WWP2: variants seen among roughly 807,000 people sequenced by gnomAD.
WWP2 encodes the protein WW domain containing E3 ubiquitin protein ligase 2.
WWP2 carries 57 observed loss-of-function variants against 121.0 expected under a neutral mutation model. The ratio of observed to expected loss-of-function variants is 0.47; its 90% CI spans 0.38 to 0.59. WWP2 has a LOEUF of 0.59. Ranked by LOEUF, WWP2 falls within the 20% of genes least tolerant of loss-of-function variation. The pLI is 0.00. For missense variants in WWP2, 962 were observed against 1,158.9 expected, an observed-to-expected ratio of 0.83 and a Z score of 2.47; for synonymous variants, 449 against 441.3, an observed-to-expected ratio of 1.02 and a Z score of -0.22.
At chr16:69,915,293 C>T (rs4985379) in intron 9 of WWP2, among the ~76,000 whole-genome samples, 115,317 of 152,234 alleles carry the variant, frequency 0.76, 44,621 homozygotes, top group East Asian at 0.96. Flanking sequence ...ATTGATTTAA[C>T]GGTGAGTTTC....
intron 2 of WWP2, among the ~76,000 whole-genome samples, chr16:69,788,441 T>C (rs2055838750): frequency 1.3e-5 from 2 of 152,162 alleles, no homozygotes; most frequent in Non-Finnish European, 2.9e-5. Context: ...ACCCCACATT[T>C]CTCATCTCCT....
At chr16:69,840,289 C>G (rs1395200143) in intron 5 of WWP2, 26 bp downstream of exon 5, 29 of 1,607,206 alleles carry the variant, frequency 1.8e-5, no homozygotes, top group Non-Finnish European at 2.5e-5. Flanking sequence ...CTCCTCAGGA[C>G]TGTGCCGGGA....
At chr16:69,906,020 C>A (rs1453056929) in intron 8 of WWP2, among the ~76,000 whole-genome samples, 1 of 152,010 alleles carries the variant, frequency 6.6e-6, no homozygotes, top group Admixed American at 6.6e-5. Context: ...TCCTCTGCTT[C>A]TTTCTTACCT....
intron 8 of WWP2, among the ~76,000 whole-genome samples, chr16:69,898,639 T>A (rs1203310141): frequency 6.6e-6 from 1 of 152,206 alleles, no homozygotes; most frequent in Non-Finnish European, 1.5e-5. Flanking sequence ...CCTATTTATT[T>A]TTGTCCATTT....
chr16:69,845,956 A>C (rs2057067136), intron 6 of WWP2, among the ~76,000 whole-genome samples: 1 of 146,286 alleles, frequency 6.8e-6, no homozygotes, highest in Non-Finnish European at 1.5e-5. Flanking sequence ...AGGCTGAGGC[A>C]GGAGAATTGC....
chr16:69,872,574 A>G (rs1289562450), intron 7 of WWP2, among the ~76,000 whole-genome samples: 1 of 152,212 alleles, frequency 6.6e-6, no homozygotes, highest in African/African-American at 2.4e-5. Context: ...TCATTTATAC[A>G]TAGCATATTT....
intron 9 of WWP2, chr16:69,917,477 A>C: frequency 2.2e-6 from 1 of 446,148 alleles, no homozygotes; most frequent in Non-Finnish European, 4.0e-6. Flanking sequence ...GGTTGGGAAC[A>C]GAGTCAGCTT....
chr16:69,825,137 G>A (rs1352184416), intron 4 of WWP2, among the ~76,000 whole-genome samples: 2 of 151,942 alleles, frequency 1.3e-5, no homozygotes, highest in African/African-American at 2.4e-5. Flanking sequence ...CAAAGTGGGC[G>A]ATACTGGCTG....
intron 6 of WWP2, among the ~76,000 whole-genome samples, chr16:69,851,667 C>G (rs1387114887): frequency 6.6e-6 from 1 of 152,052 alleles, no homozygotes; most frequent in Non-Finnish European, 1.5e-5. Context: ...CATTAGTGTG[C>G]AGGTTTCTGT....
intron 6 of WWP2, among the ~76,000 whole-genome samples, chr16:69,850,430 A>G (rs1030792981): frequency 6.6e-6 from 1 of 151,144 alleles, no homozygotes; most frequent in Non-Finnish European, 1.5e-5. Flanking sequence ...CCCTGACATC[A>G]GGGAGTGTCT....
At chr16:69,792,001 G>A (rs2055922913) in intron 2 of WWP2, among the ~76,000 whole-genome samples, 1 of 149,662 alleles carries the variant, frequency 6.7e-6, no homozygotes, top group Non-Finnish European at 1.5e-5. Flanking sequence ...ACACAGATTT[G>A]GTAATACCAT....
At chr16:69,810,040 G>A (rs2056358222) in intron 4 of WWP2, among the ~76,000 whole-genome samples, 1 of 152,164 alleles carries the variant, frequency 6.6e-6, no homozygotes, top group Non-Finnish European at 1.5e-5. Flanking sequence ...TCCTCTCACC[G>A]TGGCCTAGTC....
chr16:69,862,695 C>G (rs1373679996), intron 6 of WWP2, among the ~76,000 whole-genome samples: 1 of 151,022 alleles, frequency 6.6e-6, no homozygotes, highest in East Asian at 1.9e-4. Context: ...TGGTATCCAG[C>G]CAGCCATGAA....
chr16:69,772,140 T>C (rs1181051772), intron 1 of WWP2, among the ~76,000 whole-genome samples: 1 of 151,698 alleles, frequency 6.6e-6, no homozygotes, highest in African/African-American at 2.4e-5. Flanking sequence ...TTTGTATTTT[T>C]AGTAAAGACA....
At chr16:69,879,981 T>C (rs891208200) in intron 7 of WWP2, among the ~76,000 whole-genome samples, 3 of 151,478 alleles carry the variant, frequency 2.0e-5, no homozygotes, top group African/African-American at 7.3e-5. Flanking sequence ...TTCTTATCTA[T>C]AAAATGAGAT....
rs8050295 is a variant in WWP2, at chr16:69,826,963, G to T, written c.341-13163G>T. Among the ~76,000 whole-genome samples the T allele has an allele frequency of 3.2e-4, 7 of 21,884 alleles. 1 individual carries two copies. In the East Asian group the frequency reaches 3.7e-3, roughly 12 times the overall value. The allele number at this position is 21,884 out of a possible 152,430, so 14.4% of individuals were successfully genotyped here. A position where few individuals can be genotyped will look rare whatever the true frequency, so the allele number is the denominator to read the frequency against. On this transcript the variant is annotated intron_variant, in intron 4 of 23. Transcript: ENST00000359154. ...CAAAAAAAAAAAAAAAAGGGGGGGG[G>T]GCGGAGAGAATAATGGACCATCTAG...
intron 10 of WWP2, among the ~76,000 whole-genome samples, chr16:69,923,081 G>T (rs1208924981): frequency 1.3e-5 from 2 of 152,018 alleles, no homozygotes; most frequent in Non-Finnish European, 2.9e-5. Flanking sequence ...GTAGAGACAG[G>T]GTTTCCCCAT....
chr16:69,772,189 G>A (rs12445239), intron 1 of WWP2, among the ~76,000 whole-genome samples: 3,653 of 151,904 alleles, frequency 0.024, 269 homozygotes, highest in East Asian at 0.16. Flanking sequence ...TCGAACTCCC[G>A]AACTTGGGTG....
rs141387936 is a variant in WWP2, at chr16:69,783,976, G to A, written c.-15-3020G>A. Among the ~76,000 whole-genome samples the A allele has an allele frequency of 3.4e-4, 51 of 151,926 alleles. No homozygotes were observed. The East Asian group carries it at 9.1e-3, about 27-fold the overall frequency. On this transcript the variant is annotated intron_variant, in intron 1 of 23. Coordinates refer to ENST00000359154, the MANE Select transcript of WWP2 (RefSeq NM_001270454.2). ...TCTCTAAAAAACATAAGATACAAAG[G>A]CACAAGAATTTAACAGCATCAGTTC...
Sources: gnomAD v4.1 joint callset for allele counts (sites outside exome capture counted in the v4.1 genomes callset) on GRCh38, gnomAD v4.1.1 for gene constraint, MANE v1.5 for transcripts, NCBI Gene and HGNC (gene_info 2026-07-23, HGNC 2026-07-21) for gene names.